The following AGAP1 variants were observed in gnomAD, a reference collection of about 807,000 sequenced individuals.
AGAP1 encodes ArfGAP with GTPase domain, ankyrin repeat and PH domain 1, also known as arf-GAP with GTPase, ANK repeat and PH domain-containing protein 1.
In AGAP1, 29 loss-of-function variants were observed where a neutral mutation model predicts 105.3. That is an observed-to-expected ratio of 0.28 (90% CI 0.21 to 0.38). The LOEUF is 0.38. AGAP1 is among the 10% of genes least tolerant of loss of function. AGAP1 has a pLI of 1.00. For missense variants in AGAP1, 998 were observed against 1,165.1 expected, an observed-to-expected ratio of 0.86 and a Z score of 2.09; for synonymous variants, 509 against 485.9, an observed-to-expected ratio of 1.05 and a Z score of -0.63.
rs900619772 is a variant in AGAP1, at chr2:236,096,277, A to G, written c.2115-23915A>G. ...GCACTTCGGGAGGCCAAGGCGGGGG[A>G]ATCCCTGAGGTTAGAAGTTCGAGAC... On this transcript the variant is annotated intron_variant, in intron 16 of 17. Coordinates refer to ENST00000304032, the MANE Select transcript of AGAP1 (RefSeq NM_001037131.3). The surrounding 1 kb of genome is among the most constrained non-coding windows in gnomAD (Gnocchi z 4.4). 2.1e-4 allele frequency among the ~76,000 whole-genome samples: 32 copies of G among 152,054 alleles called. 1 individual carries two copies. The highest frequency in any genetic ancestry group is 4.4e-5 in the Non-Finnish European group (3 of 68,022).
At position 236,080,369 on chromosome 2, in the gene AGAP1, C is replaced by G. The variant is rs752802117; in HGVS notation, c.2114+31088C>G. 1.3e-5 allele frequency among the ~76,000 whole-genome samples: 2 copies of G among 152,198 alleles called. No individual in the cohort carries two copies. The highest frequency in any genetic ancestry group is 1.3e-4 in the Admixed American group (2 of 15,284). On this transcript the variant is annotated intron_variant, in intron 16 of 17. Coordinates refer to ENST00000304032, the MANE Select transcript of AGAP1 (RefSeq NM_001037131.3). This position sits in a 1 kb window ranked among gnomAD's most constrained non-coding sequence, Gnocchi z 4.2. ...TGAGTCCAGAAACCTCCATCTCAGT[C>G]TAGGAGGGACAGCTAGGAGGAAATA...
At chr2:235,870,723 C>T (rs958798957) in intron 9 of AGAP1, among the ~76,000 whole-genome samples, 2 of 152,188 alleles carry the variant, frequency 1.3e-5, no homozygotes, top group African/African-American at 4.8e-5. Context: ...GCTGATTCAC[C>T]CTGCTCTGGG....
chr2:235,647,447 G>A (rs947195964), intron 1 of AGAP1, among the ~76,000 whole-genome samples: 1 of 152,094 alleles, frequency 6.6e-6, no homozygotes, highest in Admixed American at 6.5e-5. Context: ...GAGTGCAGTG[G>A]TGCAGTCATA....
At chr2:235,817,624 G>C (rs531837833) in intron 9 of AGAP1, among the ~76,000 whole-genome samples, 5 of 151,952 alleles carry the variant, frequency 3.3e-5, no homozygotes, top group Non-Finnish European at 5.9e-5. Flanking sequence ...GGTGCGGTGC[G>C]TCATGCCTGT....
intron 1 of AGAP1, among the ~76,000 whole-genome samples, chr2:235,570,137 C>T (rs1201757332): frequency 2.6e-5 from 4 of 152,148 alleles, no homozygotes; most frequent in South Asian, 2.1e-4. Flanking sequence ...AGGCTTCCCC[C>T]TAGCCTTTGC....
intron 1 of AGAP1, among the ~76,000 whole-genome samples, chr2:235,508,143 C>T (rs1941912336): frequency 6.6e-6 from 1 of 152,190 alleles, no homozygotes; most frequent in African/African-American, 2.4e-5. Context: ...GCATAGTACT[C>T]CACAGTGTAC....
chr2:235,704,737 A>G (rs544898058), intron 1 of AGAP1, among the ~76,000 whole-genome samples: 2 of 152,296 alleles, frequency 1.3e-5, no homozygotes, highest in East Asian at 1.9e-4. Context: ...AGGTTAGTCT[A>G]GGGCGAGCAG....
chr2:235,578,680 G>A lies in AGAP1; in HGVS notation c.163+83831G>A, dbSNP rs141978306. 0.02 allele frequency among the ~76,000 whole-genome samples: 3,064 copies of A among 151,926 alleles called. 110 individuals are homozygous for A. Among genetic ancestry groups the A allele is most frequent in the African/African-American group, 0.069 (2,877 of 41,400 alleles). Reference sequence around the variant, plus strand: ...TGCACCTGTAATCCCAGCTACTTGGGAGGCTGAGGCAGGAGAATTGCTTGA... The same window carrying A: ...TGCACCTGTAATCCCAGCTACTTGGAAGGCTGAGGCAGGAGAATTGCTTGA... On this transcript the variant is annotated intron_variant, in intron 1 of 17. Coordinates refer to ENST00000304032, the MANE Select transcript of AGAP1 (RefSeq NM_001037131.3). The surrounding 1 kb of genome is among the most constrained non-coding windows in gnomAD (Gnocchi z 4.9).
intron 9 of AGAP1, among the ~76,000 whole-genome samples, chr2:235,814,866 T>C (rs1251156654): frequency 6.6e-6 from 1 of 152,116 alleles, no homozygotes; most frequent in Admixed American, 6.5e-5. Context: ...CTCTGGCTGC[T>C]CTGCAGAGAA....
intron 1 of AGAP1, among the ~76,000 whole-genome samples, chr2:235,576,890 C>G (rs903827926): frequency 6.6e-6 from 1 of 152,216 alleles, no homozygotes; most frequent in African/African-American, 2.4e-5. Context: ...AATGGCCTCT[C>G]CATTGCTCCC....
chr2:235,631,418 G>C lies in AGAP1; in HGVS notation c.164-77761G>C, dbSNP rs905765530. On this transcript the variant is annotated intron_variant, in intron 1 of 17. Transcript: ENST00000304032. The surrounding 1 kb of genome is among the most constrained non-coding windows in gnomAD (Gnocchi z 5.4). ...GGCCACGAGGCGGGAGAGCCAAGGA[G>C]GACAGCCTCCGGGTGGGCCATCACT... is the stretch of plus-strand genomic sequence containing the variant. Among the ~76,000 whole-genome samples, 1 of 152,214 alleles carries C rather than the reference G, an allele frequency of 6.6e-6. No homozygotes were observed.
At position 236,124,585 on chromosome 2, in the gene AGAP1, T is replaced by G; in HGVS notation, c.*463T>G. Reference sequence around the variant, plus strand: ...TCTCTGAGGAGCTCGACGGCATAAATCAGAAGCAAGCACAGAGTTTGTCAG... The same window carrying G: ...TCTCTGAGGAGCTCGACGGCATAAAGCAGAAGCAAGCACAGAGTTTGTCAG... On this transcript the variant is annotated 3_prime_UTR_variant, in exon 18 of 18. Transcript: ENST00000304032. This position sits in a 1 kb window ranked among gnomAD's most constrained non-coding sequence, Gnocchi z 5.1. 4.9e-6 allele frequency: 1 copy of G among 202,146 alleles called. No individual in the cohort carries two copies. 12.5% of individuals were successfully genotyped at this position (202,146 alleles called of 1,614,324 possible).
chr2:235,512,107 G>GTGTGTGAA (rs542462531), intron 1 of AGAP1, among the ~76,000 whole-genome samples: 26,448 of 150,046 alleles, frequency 0.18, 2,573 homozygotes, highest in East Asian at 0.31. Flanking sequence ...GTGTGTGAAT[G>GTGTGTGAA]TGTGTGTGTG....
intron 1 of AGAP1, among the ~76,000 whole-genome samples, chr2:235,613,292 G>A (rs111945022): frequency 1.0e-3 from 159 of 152,238 alleles, no homozygotes; most frequent in Non-Finnish European, 1.7e-3. Context: ...CACTGCACCC[G>A]GCCACATTTA....
intron 1 of AGAP1, among the ~76,000 whole-genome samples, chr2:235,603,337 C>T (rs768183628): frequency 6.6e-6 from 1 of 152,172 alleles, no homozygotes; most frequent in Non-Finnish European, 1.5e-5. Context: ...ATAAATTACC[C>T]AGCCTAGGGT....
intron 1 of AGAP1, among the ~76,000 whole-genome samples, chr2:235,503,131 A>G (rs529295372): frequency 6.6e-6 from 1 of 152,322 alleles, no homozygotes; most frequent in African/African-American, 2.4e-5. Context: ...CCACTGTGTG[A>G]TGGTACCCTT....
intron 1 of AGAP1, chr2:235,669,734 C>A (rs1286782700): frequency 6.8e-6 from 1 of 148,138 alleles, no homozygotes; most frequent in Non-Finnish European, 1.5e-5. Context: ...GCTGTGCAGC[C>A]GGAGCGGGAG....
chr2:235,579,295 A>T (rs934058684), intron 1 of AGAP1, among the ~76,000 whole-genome samples: 1 of 152,132 alleles, frequency 6.6e-6, no homozygotes, highest in Non-Finnish European at 1.5e-5. Context: ...TCCTGGTGTG[A>T]CGTAACCTTT....
chr2:236,018,767 G>A (rs990610794), intron 13 of AGAP1, among the ~76,000 whole-genome samples: 2 of 152,088 alleles, frequency 1.3e-5, no homozygotes, highest in Admixed American at 6.5e-5. Flanking sequence ...GTCCCAATTC[G>A]AGCCCGTCTA....
Sources: gnomAD v4.1 joint callset for allele counts (sites outside exome capture counted in the v4.1 genomes callset) on GRCh38, gnomAD v4.1.1 for gene constraint, Gnocchi (gnomAD v3.1) non-coding constraint, MANE v1.5 for transcripts, NCBI Gene and HGNC (gene_info 2026-07-23, HGNC 2026-07-21) for gene names.